The following KCNB2 variants were observed in gnomAD, a reference collection of about 807,000 sequenced individuals.
KCNB2 encodes the protein delayed rectifier potassium channel protein.
KCNB2 carries 15 observed loss-of-function variants against 61.5 expected under a neutral mutation model. The observed-to-expected ratio is 0.24, with a 90% CI of 0.16 to 0.38. KCNB2 has a LOEUF of 0.38. KCNB2 is among the 10% of genes least tolerant of loss of function. The pLI is 1.00. For synonymous variants in KCNB2, 457 were observed against 446.0 expected, an observed-to-expected ratio of 1.02 and a Z score of -0.31; for missense variants, 828 against 1,125.2, an observed-to-expected ratio of 0.74 and a Z score of 3.78.
chr8:72,719,115 G>T (rs182824553), intron 2 of KCNB2, among the ~76,000 whole-genome samples: 4 of 151,160 alleles, frequency 2.6e-5, no homozygotes, highest in Non-Finnish European at 5.9e-5. Context: ...TTGTTTGTTT[G>T]TTTTTGCTGG....
intron 2 of KCNB2, 24 bp downstream of exon 2, chr8:72,568,337 G>T (rs368777298): frequency 6.4e-7 from 1 of 1,567,818 alleles, no homozygotes; most frequent in Non-Finnish European, 8.7e-7. Context: ...AGTATTGCTT[G>T]CCTGTGTGTG....
chr8:72,651,283 C>T (rs1184222141), intron 2 of KCNB2, among the ~76,000 whole-genome samples: 1 of 152,040 alleles, frequency 6.6e-6, no homozygotes, highest in Non-Finnish European at 1.5e-5. Flanking sequence ...TGATTAAAGT[C>T]ATTATTTCTG....
At chr8:72,895,294 A>G (rs1207753629) in intron 2 of KCNB2, among the ~76,000 whole-genome samples, 1 of 152,198 alleles carries the variant, frequency 6.6e-6, no homozygotes, top group Admixed American at 6.5e-5. Context: ...GGTAATCACA[A>G]GGGTGCTTGA....
At chr8:72,853,140 C>G (rs1337923624) in intron 2 of KCNB2, among the ~76,000 whole-genome samples, 4 of 152,326 alleles carry the variant, frequency 2.6e-5, no homozygotes, top group South Asian at 2.1e-4. Flanking sequence ...GTTAGCTCCT[C>G]CTCCCAATCC....
chr8:72,646,039 A>G (rs1806124349), intron 2 of KCNB2, among the ~76,000 whole-genome samples: 1 of 152,144 alleles, frequency 6.6e-6, no homozygotes, highest in African/African-American at 2.4e-5. Context: ...TAAAACATGG[A>G]TGAAAGATTC....
chr8:72,581,105 C>T (rs1806886145), intron 2 of KCNB2, among the ~76,000 whole-genome samples: 1 of 152,162 alleles, frequency 6.6e-6, no homozygotes, highest in Non-Finnish European at 1.5e-5. Context: ...GTTCACTGAA[C>T]TCAACAGAGT....
At chr8:72,711,220 A>G (rs1270322473) in intron 2 of KCNB2, among the ~76,000 whole-genome samples, 1 of 152,224 alleles carries the variant, frequency 6.6e-6, no homozygotes, top group Non-Finnish European at 1.5e-5. Flanking sequence ...CTTCCACACA[A>G]AACTACTTGG....
rs1182255262 is a variant in KCNB2 at position 72,561,771 on chromosome 8, A to G, written c.-93-5871A>G. On this transcript the variant is annotated intron_variant, in intron 1 of 2. Coordinates refer to ENST00000523207, the MANE Select transcript of KCNB2 (RefSeq NM_004770.3). ...TGTATATATATATATGGATATATAT[A>G]TATATGGATATATATATACATATAT... 2.2e-3 allele frequency among the ~76,000 whole-genome samples: 66 copies of G among 30,042 alleles called. 14 individuals carry two copies. Among genetic ancestry groups the G allele is most frequent in the East Asian group, 3.5e-3 (2 of 564 alleles). 19.7% of individuals were successfully genotyped at this position (30,042 alleles called of 152,430 possible).
chr8:72,841,695 A>G (rs1483519006), intron 2 of KCNB2, among the ~76,000 whole-genome samples: 2 of 145,330 alleles, frequency 1.4e-5, no homozygotes, highest in African/African-American at 5.1e-5. Context: ...CTTTGTAGCA[A>G]TTGTGAATGG....
intron 2 of KCNB2, among the ~76,000 whole-genome samples, chr8:72,924,956 A>T (rs1299529353): frequency 2.0e-5 from 3 of 152,100 alleles, no homozygotes; most frequent in African/African-American, 7.2e-5. Flanking sequence ...CTCCTATCTG[A>T]CTTTCCCTTG....
chr8:72,619,884 T>C (rs929833897), intron 2 of KCNB2, among the ~76,000 whole-genome samples: 1 of 152,228 alleles, frequency 6.6e-6, no homozygotes, highest in Non-Finnish European at 1.5e-5. Flanking sequence ...TGTTGATACC[T>C]TAGAGCTGTG....
chr8:72,788,810 G>A (rs1008185208), intron 2 of KCNB2, among the ~76,000 whole-genome samples: 3 of 151,990 alleles, frequency 2.0e-5, no homozygotes, highest in Admixed American at 6.5e-5. Context: ...AATTATAGAT[G>A]AGCCCATCAT....
intron 2 of KCNB2, among the ~76,000 whole-genome samples, chr8:72,910,062 C>T (rs1023079175): frequency 1.3e-5 from 2 of 152,142 alleles, no homozygotes; most frequent in Non-Finnish European, 2.9e-5. Context: ...GTCATAACAA[C>T]GTGGACTTTC....
At chr8:72,922,184 C>A (rs767278847) in intron 2 of KCNB2, among the ~76,000 whole-genome samples, 1 of 152,152 alleles carries the variant, frequency 6.6e-6, no homozygotes, top group Non-Finnish European at 1.5e-5. Flanking sequence ...CCAATCTCTG[C>A]CTCTGTTGTT....
chr8:72,664,926 G>A lies in KCNB2; in HGVS notation c.579+96613G>A, dbSNP rs190313353. Reference sequence around the variant, plus strand: ...AAGGAAACAGCAAAGACAAAAGCCCGTGGCAGGAGAATGCCTGCAGTATAA... The same window carrying A: ...AAGGAAACAGCAAAGACAAAAGCCCATGGCAGGAGAATGCCTGCAGTATAA... On this transcript the variant is annotated intron_variant, in intron 2 of 2. Transcript: ENST00000523207. Among the ~76,000 whole-genome samples the A allele has an allele frequency of 1.2e-4, 18 of 152,282 alleles. 1 individual carries two copies. In the East Asian group the frequency reaches 2.5e-3, roughly 21 times the overall value.
chr8:72,763,206 G>A (rs1322785583), intron 2 of KCNB2, among the ~76,000 whole-genome samples: 1 of 152,078 alleles, frequency 6.6e-6, no homozygotes, highest in Non-Finnish European at 1.5e-5. Flanking sequence ...GGTAGAACCT[G>A]AAGACTCTGG....
intron 2 of KCNB2, among the ~76,000 whole-genome samples, chr8:72,928,342 G>A (rs6989340): frequency 0.34 from 51,883 of 151,628 alleles, 9,661 homozygotes; most frequent in Non-Finnish European, 0.42. Flanking sequence ...ACAGGCACAC[G>A]TAACCACACC....
intron 2 of KCNB2, among the ~76,000 whole-genome samples, chr8:72,883,884 T>C (rs747011680): frequency 2.0e-5 from 3 of 152,208 alleles, no homozygotes; most frequent in Non-Finnish European, 4.4e-5. Flanking sequence ...AACACTGCGA[T>C]GCATGTTACT....
At chr8:72,932,616 G>A (rs1021281681) in intron 2 of KCNB2, among the ~76,000 whole-genome samples, 4 of 152,020 alleles carry the variant, frequency 2.6e-5, no homozygotes, top group Non-Finnish European at 4.4e-5. Flanking sequence ...ACTCTTGGTG[G>A]GCTTTTGTTG....
Sources: allele counts gnomAD v4.1 joint callset (sites outside exome capture counted in the v4.1 genomes callset), GRCh38; gene constraint gnomAD v4.1.1; transcripts MANE v1.5; gene names NCBI Gene and HGNC (gene_info 2026-07-23, HGNC 2026-07-21).